Variants in DMTF1 observed in about 807,000 individuals in gnomAD.
The protein encoded by DMTF1 is cyclin D binding myb like transcription factor 1, also known as cyclin-D-binding Myb-like transcription factor 1.
DMTF1 carries 39 observed loss-of-function variants against 91.1 expected under a neutral mutation model. The observed-to-expected ratio is 0.43, with a 90% CI of 0.33 to 0.56. The LOEUF (loss-of-function observed/expected upper bound fraction) is 0.56, where lower values mean the gene tolerates loss of function less well. DMTF1 is among the 20% of genes least tolerant of loss of function. The pLI, the probability that DMTF1 is intolerant of heterozygous loss-of-function variation, is 0.05. For missense variants in DMTF1, 750 were observed against 914.5 expected (o/e 0.82, Z 2.32); for synonymous variants, 338 against 309.5 (o/e 1.09, Z -0.97).
intron 11 of DMTF1, chr7:87,185,085 A>G (rs1798125299): frequency 3.6e-6 from 1 of 275,112 alleles, no homozygotes; most frequent in Non-Finnish European, 7.3e-6. Context: ...AGTAGACCAA[A>G]TCAAACACAT....
At chr7:87,187,871 G>A in intron 12 of DMTF1, 1 of 541,206 alleles carries the variant, frequency 1.8e-6, no homozygotes, top group Non-Finnish European at 3.3e-6. Flanking sequence ...ATCTTAGATG[G>A]CAAGAATAAC....
At chr7:87,173,949 T>C (rs1215563316) in intron 6 of DMTF1, among the ~76,000 whole-genome samples, 1 of 152,100 alleles carries the variant, frequency 6.6e-6, no homozygotes, top group Admixed American at 6.6e-5. Context: ...CTTATGAGAG[T>C]AGGAAGTCAA....
At chr7:87,181,037 A>G (rs1352349654) in intron 8 of DMTF1, among the ~76,000 whole-genome samples, 1 of 151,918 alleles carries the variant, frequency 6.6e-6, no homozygotes, top group Non-Finnish European at 1.5e-5. Flanking sequence ...TTTGGTAGAG[A>G]TGGGGTTTTG....
intron 1 of DMTF1, among the ~76,000 whole-genome samples, chr7:87,161,794 A>G (rs529743753): frequency 1.3e-5 from 2 of 152,292 alleles, no homozygotes; most frequent in South Asian, 4.1e-4. Context: ...TAAGCATTGT[A>G]CTTTTTGCTT....
At position 87,185,982 on chromosome 7, in the gene DMTF1, T is replaced by C; in HGVS notation, c.1201+2T>C. 1 of 1,613,698 alleles carries C rather than the reference T, an allele frequency of 6.2e-7. No homozygotes were observed. The highest frequency in any genetic ancestry group is 8.5e-7 in the Non-Finnish European group (1 of 1,179,718). On this transcript the variant is annotated splice_donor_variant, in intron 12 of 17. Coordinates refer to ENST00000331242, the MANE Select transcript of DMTF1 (RefSeq NM_001142327.2). LOFTEE classifies it high-confidence loss of function. ...ACCATAAGGATGTTTCGTTCCCTGG[T>C]AATGTATTACTTACTTTTTAAGCTC...
intron 1 of DMTF1, among the ~76,000 whole-genome samples, chr7:87,154,832 G>A (rs1379312466): frequency 6.6e-6 from 1 of 152,086 alleles, no homozygotes; most frequent in African/African-American, 2.4e-5. Flanking sequence ...TGGGGAGATA[G>A]TGTATGTATT....
chr7:87,176,590 T>C (rs1279300400), intron 7 of DMTF1, among the ~76,000 whole-genome samples: 1 of 152,036 alleles, frequency 6.6e-6, no homozygotes, highest in East Asian at 1.9e-4. Flanking sequence ...ATAGAATTGG[T>C]AGGGAAAGGG....
intron 5 of DMTF1, among the ~76,000 whole-genome samples, chr7:87,171,573 A>G (rs780754804): frequency 3.9e-5 from 6 of 152,274 alleles, no homozygotes; most frequent in South Asian, 2.1e-4. Flanking sequence ...ATAAGTCCCT[A>G]TGTATATAGT....
chr7:87,178,824 A>G (rs967935722), intron 7 of DMTF1, among the ~76,000 whole-genome samples: 5 of 150,188 alleles, frequency 3.3e-5, no homozygotes, highest in Admixed American at 1.3e-4. Context: ...TTGTGTGTCT[A>G]TTTGGTAGGA....
At chr7:87,168,040 A>G (rs1794234224) in intron 4 of DMTF1, among the ~76,000 whole-genome samples, 1 of 152,234 alleles carries the variant, frequency 6.6e-6, no homozygotes, top group South Asian at 2.1e-4. Flanking sequence ...TTCAGATAAT[A>G]GAGGTATGTT....
In DMTF1 at chr7:87,184,623, C is replaced by G. The variant is rs1469713794; in HGVS notation, c.1047C>G (p.Leu349=). 1.2e-6 allele frequency: 2 copies of G among 1,612,502 alleles called. No homozygotes were observed. Among genetic ancestry groups the G allele is most frequent in the Non-Finnish European group, 8.5e-7 (1 of 1,178,800 alleles). The change falls in exon 11 of 18, where the codon CTC becomes CTG. Residue 349 remains leucine, a splice_region_variant and synonymous_variant. Transcript: ENST00000331242. ...WTKEDEINLI[L]RIAELDVADE... is the part of the protein sequence containing the mutation. The stretch of plus-strand genomic sequence containing the variant: ...AGGAAGATGAAATCAATCTCATCCT[C>G]AGGTTTGTGTCCTGAATCTTGTAAT...
chr7:87,194,542 C>T, intron 16 of DMTF1, 142 bp from the exon 17 acceptor site: 2 of 598,256 alleles, frequency 3.3e-6, no homozygotes, highest in Non-Finnish European at 5.5e-6. Flanking sequence ...ATCTTTTGTC[C>T]CTGTGAGACC....
chr7:87,182,426 C>A, intron 10 of DMTF1, 89 bp downstream of exon 10: 1 of 1,213,898 alleles, frequency 8.2e-7, no homozygotes, highest in Non-Finnish European at 1.2e-6. Flanking sequence ...TCTTGGGGAG[C>A]GATTTAGATC....
At chr7:87,164,089 C>T (rs1282880013) in intron 2 of DMTF1, among the ~76,000 whole-genome samples, 2 of 136,330 alleles carry the variant, frequency 1.5e-5, no homozygotes, top group East Asian at 4.5e-4. Context: ...GCTTAATAAA[C>T]ATTGAGTAAT....
chr7:87,170,645 C>T (rs1190328258), intron 4 of DMTF1, among the ~76,000 whole-genome samples: 4 of 152,132 alleles, frequency 2.6e-5, no homozygotes, highest in African/African-American at 7.2e-5. Context: ...AAATACTATC[C>T]TCCACCCCAA....
chr7:87,195,450 C>CT lies in DMTF1; in HGVS notation c.*312dup. The CT allele has an allele frequency of 4.2e-6, 1 of 239,814 alleles. No homozygotes were observed. The allele number at this position is 239,814 out of a possible 1,614,324, so 14.9% of individuals were successfully genotyped here. A position where few individuals can be genotyped will look rare whatever the true frequency, so the allele number is the denominator to read the frequency against. On this transcript the variant is annotated 3_prime_UTR_variant, in exon 18 of 18. Transcript: ENST00000331242. ...TAAGAAAAGTTTAGAATCACGAAAG[C>CT]TTAACTGCTGTGGTTTAAAGTACAG...
rs767161468 is a variant in DMTF1, at chr7:87,164,976, C to T, written c.35C>T (p.Thr12Ile). 6.2e-7 allele frequency: 1 copy of T among 1,609,450 alleles called. No homozygotes were observed. Among genetic ancestry groups the T allele is most frequent in the Non-Finnish European group, 8.5e-7 (1 of 1,177,698 alleles). Residue 12 changes from threonine (T) to isoleucine (I), a missense_variant, in exon 3 of 18, where the codon ACA becomes ATA. Transcript: ENST00000331242. ...STVEEDSDTV[T>I]VETVNSVTLT... ...GTGGAAGAGGATTCTGACACAGTAA[C>T]AGTAGAAACTGTGAACTCTGTGACT...
chr7:87,184,755 T>C (rs1798046400), intron 11 of DMTF1, 130 bp downstream of exon 11: 3 of 798,988 alleles, frequency 3.8e-6, no homozygotes, highest in Admixed American at 4.0e-5. Flanking sequence ...CACTACTGTT[T>C]AAGATCTTAA....
intron 13 of DMTF1, 50 bp downstream of exon 13, chr7:87,188,351 G>C: frequency 6.3e-7 from 1 of 1,589,146 alleles, no homozygotes; most frequent in Non-Finnish European, 8.6e-7. Flanking sequence ...ATATGATTTG[G>C]TTAATGGCTC....
Sources: allele counts gnomAD v4.1 joint callset (sites outside exome capture counted in the v4.1 genomes callset), GRCh38; gene constraint gnomAD v4.1.1; transcripts MANE v1.5; gene names NCBI Gene and HGNC (gene_info 2026-07-23, HGNC 2026-07-21).